The following NSMCE1 variants were observed in gnomAD, a reference collection of about 807,000 sequenced individuals.
NSMCE1 encodes non-structural maintenance of chromosomes element 1 homolog.
NSMCE1 carries 18 observed loss-of-function variants against 29.6 expected under a neutral mutation model. The observed-to-expected ratio is 0.61, with a 90% CI of 0.42 to 0.90. NSMCE1 has a LOEUF of 0.90. Among genes scored for constraint, NSMCE1 ranks in the 40% least tolerant of loss-of-function variants. The probability of loss-of-function intolerance (pLI) is 0.00; values close to 1 mark genes in which losing one functional copy is unlikely to be tolerated. For synonymous variants in NSMCE1, 124 were observed against 133.4 expected, an observed-to-expected ratio of 0.93 and a Z score of 0.49; for missense variants, 314 against 343.6, an observed-to-expected ratio of 0.91 and a Z score of 0.68.
At chr16:27,228,846 G>C (rs58938880) in intron 5 of NSMCE1, among the ~76,000 whole-genome samples, 38,795 of 99,114 alleles carry the variant, frequency 0.39, 6,307 homozygotes, top group East Asian at 0.54. Context: ...CCCTCCAGAT[G>C]CATCATGGTA....
intron 2 of NSMCE1, among the ~76,000 whole-genome samples, chr16:27,245,453 A>C (rs550566287): frequency 4.6e-5 from 7 of 152,346 alleles, no homozygotes; most frequent in African/African-American, 1.7e-4. Context: ...GGGAGCGTGA[A>C]GCGCACAGAA....
chr16:27,228,325 C>T (rs1465277589), intron 5 of NSMCE1, among the ~76,000 whole-genome samples: 1 of 152,102 alleles, frequency 6.6e-6, no homozygotes, highest in Non-Finnish European at 1.5e-5. Context: ...CCCTGCACCG[C>T]AGCTGTTGCT....
At chr16:27,235,341 C>A (rs76184466) in intron 2 of NSMCE1, 42 bp from the exon 3 acceptor site, 2 of 1,599,462 alleles carry the variant, frequency 1.3e-6, no homozygotes, top group Non-Finnish European at 1.7e-6. Context: ...GACCAGGGGG[C>A]CTCATCAAAA....
intron 3 of NSMCE1, among the ~76,000 whole-genome samples, chr16:27,234,961 TC>T (rs1334956325): frequency 2.6e-5 from 4 of 152,234 alleles, no homozygotes; most frequent in African/African-American, 9.6e-5. Flanking sequence ...TGGCCTGCAA[TC>T]CTTGACACTC....
intron 2 of NSMCE1, among the ~76,000 whole-genome samples, chr16:27,235,979 G>A (rs1289104181): frequency 2.6e-5 from 4 of 152,212 alleles, no homozygotes; most frequent in East Asian, 1.9e-4. Flanking sequence ...AGGCTGAGAC[G>A]CAGAGAGGTG....
intron 2 of NSMCE1, among the ~76,000 whole-genome samples, chr16:27,236,044 C>A (rs1021259565): frequency 6.6e-6 from 1 of 152,206 alleles, no homozygotes; most frequent in African/African-American, 2.4e-5. Context: ...TCTCTGTCGC[C>A]CACCTCCCCT....
chr16:27,242,624 TCCCACTGGCAATAAAGCAGTG>T (rs1322040261), intron 2 of NSMCE1, among the ~76,000 whole-genome samples: 3 of 152,178 alleles, frequency 2.0e-5, no homozygotes, highest in Admixed American at 6.5e-5. Flanking sequence ...CAGTCAGGAC[TCCCACTGGCAATAAAGCAGTG>T]CCCACTGCTT....
In NSMCE1 at chr16:27,235,187, A is replaced by G; in HGVS notation, c.249T>C (p.Ile83=). Residue 83 remains isoleucine, a synonymous_variant, in exon 3 of 8, where the codon ATT becomes ATC. Coordinates refer to ENST00000361439, the MANE Select transcript of NSMCE1 (RefSeq NM_145080.4). Reference sequence around the variant, plus strand: ...TCTGCCGGGCACTCACCAACGCATAAATGGGTCTCCCATCATCTTCCGTGA... The same window carrying G: ...TCTGCCGGGCACTCACCAACGCATAGATGGGTCTCCCATCATCTTCCGTGA... ...RGVTEDDGRP[I]YALVNLATTS... 6.2e-7 allele frequency: 1 copy of G among 1,613,964 alleles called. No individual in the cohort carries two copies. The highest frequency in any genetic ancestry group is 8.5e-7 in the Non-Finnish European group (1 of 1,179,970).
At chr16:27,247,864 T>C (rs1007276484) in intron 2 of NSMCE1, among the ~76,000 whole-genome samples, 7 of 151,212 alleles carry the variant, frequency 4.6e-5, no homozygotes, top group Non-Finnish European at 7.4e-5. Flanking sequence ...GAGGTGGAGG[T>C]TGCAGTGAGC....
At chr16:27,261,264 T>C (rs2141011334) in intron 1 of NSMCE1, among the ~76,000 whole-genome samples, 1 of 150,976 alleles carries the variant, frequency 6.6e-6, no homozygotes, top group African/African-American at 2.4e-5. Context: ...TAATAAAGAC[T>C]GAAAATAAGC....
chr16:27,255,086 A>T (rs1006305717), intron 2 of NSMCE1, among the ~76,000 whole-genome samples: 3 of 151,518 alleles, frequency 2.0e-5, no homozygotes, highest in Non-Finnish European at 4.4e-5. Context: ...CACCATGTTG[A>T]CCAGGCTGGT....
chr16:27,233,977 C>A (rs1421543859), intron 4 of NSMCE1: 1 of 546,868 alleles, frequency 1.8e-6, no homozygotes, highest in Non-Finnish European at 3.2e-6. Flanking sequence ...CCCAGCACTT[C>A]CTTCTCAGGC....
chr16:27,263,389 T>C (rs1430493898), intron 1 of NSMCE1, among the ~76,000 whole-genome samples: 2 of 152,212 alleles, frequency 1.3e-5, no homozygotes, highest in Non-Finnish European at 2.9e-5. Context: ...TGATGTCTTT[T>C]GCAGGAACAT....
intron 1 of NSMCE1, among the ~76,000 whole-genome samples, chr16:27,267,824 G>C (rs889111338): frequency 6.6e-6 from 1 of 151,882 alleles, no homozygotes; most frequent in Admixed American, 6.6e-5. Context: ...CGCCTCCCGG[G>C]TTCAAGCGAT....
intron 2 of NSMCE1, among the ~76,000 whole-genome samples, chr16:27,253,066 C>T (rs951767918): frequency 2.0e-5 from 3 of 152,196 alleles, no homozygotes; most frequent in Admixed American, 1.3e-4. Context: ...CCACAGCTGG[C>T]CCTGTGATCT....
intron 2 of NSMCE1, among the ~76,000 whole-genome samples, chr16:27,240,414 C>T (rs1478954721): frequency 6.6e-6 from 1 of 152,140 alleles, no homozygotes; most frequent in Non-Finnish European, 1.5e-5. Context: ...CAGACCAGCC[C>T]AGCATCCATC....
At chr16:27,266,972 C>T (rs982582818) in intron 1 of NSMCE1, among the ~76,000 whole-genome samples, 3 of 151,864 alleles carry the variant, frequency 2.0e-5, no homozygotes, top group Non-Finnish European at 4.4e-5. Context: ...GTTTTAATCC[C>T]ATGTATAATA....
chr16:27,265,087 G>C (rs1409798873), intron 1 of NSMCE1, among the ~76,000 whole-genome samples: 1 of 149,838 alleles, frequency 6.7e-6, no homozygotes, highest in African/African-American at 2.5e-5. Context: ...GCCACCACCA[G>C]ACAGGCAAAA....
intron 2 of NSMCE1, among the ~76,000 whole-genome samples, chr16:27,251,163 TATATATATATATATATATATATATATAA>T (rs11268049): frequency 0.048 from 3,223 of 67,418 alleles, 209 homozygotes; most frequent in African/African-American, 0.28. Flanking sequence ...ATTTAAAATA[TATATATATATATATATATATATATATAA>T]ATATATATAT....
Sources: gnomAD v4.1 joint callset for allele counts (sites outside exome capture counted in the v4.1 genomes callset) on GRCh38, gnomAD v4.1.1 for gene constraint, MANE v1.5 for transcripts, NCBI Gene and HGNC (gene_info 2026-07-23, HGNC 2026-07-21) for gene names.